Variants in BCL7A observed in about 807,000 individuals in gnomAD.
BCL7A encodes BAF chromatin remodeling complex subunit BCL7A.
A neutral mutation model predicts 28.4 loss-of-function variants in BCL7A; 11 were observed. The ratio of observed to expected loss-of-function variants is 0.39; its 90% CI spans 0.24 to 0.64. The LOEUF is 0.64. Ranked by LOEUF, BCL7A falls within the 30% of genes least tolerant of loss-of-function variation. The probability of loss-of-function intolerance (pLI) is 0.50; values close to 1 mark genes in which losing one functional copy is unlikely to be tolerated. For synonymous variants in BCL7A, 123 were observed against 103.3 expected (o/e 1.19, Z -1.15); for missense variants, 222 against 274.8 (o/e 0.81, Z 1.36).
chr12:122,036,112 A>T (rs1428190077), intron 3 of BCL7A, among the ~76,000 whole-genome samples: 1 of 152,124 alleles, frequency 6.6e-6, no homozygotes, highest in African/African-American at 2.4e-5. Flanking sequence ...AAGTGCTGGG[A>T]TTACAGGCAT....
chr12:122,031,229 G>T (rs7964912), intron 2 of BCL7A, among the ~76,000 whole-genome samples: 3 of 151,976 alleles, frequency 2.0e-5, no homozygotes, highest in African/African-American at 7.3e-5. Flanking sequence ...CAGTTTCACC[G>T]TGTTGGCCAG....
intron 5 of BCL7A, among the ~76,000 whole-genome samples, chr12:122,057,078 G>A (rs1951884082): frequency 6.6e-6 from 1 of 152,236 alleles, no homozygotes; most frequent in African/African-American, 2.4e-5. Flanking sequence ...CCCACTAAGT[G>A]CCGTGAGAGA....
intron 3 of BCL7A, among the ~76,000 whole-genome samples, chr12:122,037,354 A>C: frequency 6.6e-6 from 1 of 152,244 alleles, no homozygotes; most frequent in East Asian, 1.9e-4. Flanking sequence ...TAACTAAAAA[A>C]GGAACTGGAA....
At chr12:122,037,587 G>A (rs1226488253) in intron 3 of BCL7A, among the ~76,000 whole-genome samples, 1 of 152,196 alleles carries the variant, frequency 6.6e-6, no homozygotes, top group Non-Finnish European at 1.5e-5. Context: ...GGAGGCTGAG[G>A]CAGGCAAATC....
intron 5 of BCL7A, among the ~76,000 whole-genome samples, chr12:122,058,318 AACATGGTGAAACATGGAG>A (rs1435661248): frequency 2.0e-5 from 3 of 150,986 alleles, no homozygotes; most frequent in African/African-American, 7.3e-5. Context: ...CAGCCTGGCC[AACATGGTGAAACATGGAG>A]ACATGGTGAA....
chr12:122,026,123 C>A (rs186045182), intron 1 of BCL7A, among the ~76,000 whole-genome samples: 130 of 151,434 alleles, frequency 8.6e-4, no homozygotes, highest in African/African-American at 3.0e-3. Flanking sequence ...AAAAATTAGC[C>A]GGGAGTGGTG....
intron 1 of BCL7A, among the ~76,000 whole-genome samples, chr12:122,027,374 A>G (rs2135839492): frequency 6.6e-6 from 1 of 152,306 alleles, no homozygotes; most frequent in African/African-American, 2.4e-5. Flanking sequence ...GTTGTTTGCC[A>G]TCCTAAATAT....
In BCL7A at chr12:122,035,362, A is replaced by G. The variant is rs753436539; in HGVS notation, c.206A>G (p.Glu69Gly). The G allele has an allele frequency of 1.1e-5, 18 of 1,614,226 alleles. No homozygotes were observed. Among genetic ancestry groups the G allele is most frequent in the Non-Finnish European group, 1.5e-5 (18 of 1,180,022 alleles). ...KNKNKKKGKDEKCGSEVTTPE... is the reference protein window; with the variant it reads ...KNKNKKKGKDGKCGSEVTTPE... ...AAGAATAAGAAAAAAGGCAAGGACG[A>G]GAAGTGTGGCTCAGAGGTGACCACT... The change falls in exon 3 of 6, where the codon GAG becomes GGG. Residue 69 changes from glutamate (E) to glycine (G), a missense_variant. This residue lies in a region of BCL7A where 67 missense variants were observed against 129.1 expected (regional missense o/e 0.52). Coordinates refer to ENST00000261822, the MANE Select transcript of BCL7A (RefSeq NM_001024808.3).
chr12:122,024,022 G>A (rs1678970), intron 1 of BCL7A, among the ~76,000 whole-genome samples: 37,501 of 151,912 alleles, frequency 0.25, 5,479 homozygotes, highest in East Asian at 0.48. Context: ...CCCGCAGAGC[G>A]GCCAGCTGCT....
At chr12:122,022,333 C>A in intron 1 of BCL7A, 150 bp downstream of exon 1, 2 of 307,542 alleles carry the variant, frequency 6.5e-6, no homozygotes, top group Non-Finnish European at 9.3e-6. Flanking sequence ...GGCGGACGGG[C>A]GGGCGGCGCG....
At chr12:122,043,782 A>G (rs1368269462) in intron 3 of BCL7A, 104 bp from the exon 4 acceptor site, 7 of 1,219,766 alleles carry the variant, frequency 5.7e-6, no homozygotes, top group Middle Eastern at 2.0e-4. Context: ...GAGAGCTGCC[A>G]TGGGGTTCCG....
intron 5 of BCL7A, among the ~76,000 whole-genome samples, chr12:122,057,714 G>T (rs1951888352): frequency 6.6e-6 from 1 of 152,168 alleles, no homozygotes; most frequent in African/African-American, 2.4e-5. Context: ...CTTTTCTGGT[G>T]TCCTGGGTTT....
chr12:122,043,461 C>T (rs922046128), intron 3 of BCL7A, among the ~76,000 whole-genome samples: 1 of 151,628 alleles, frequency 6.6e-6, no homozygotes, highest in South Asian at 2.1e-4. Context: ...CAGGAGGAGG[C>T]GTATCCAGTA....
intron 1 of BCL7A, among the ~76,000 whole-genome samples, chr12:122,027,439 C>T (rs1277017628): frequency 1.3e-5 from 2 of 152,144 alleles, no homozygotes; most frequent in Non-Finnish European, 2.9e-5. Flanking sequence ...TTTTGGGAGG[C>T]CAAGGCAGGA....
intron 1 of BCL7A, among the ~76,000 whole-genome samples, chr12:122,024,338 G>A (rs928262702): frequency 6.6e-6 from 1 of 152,312 alleles, no homozygotes; most frequent in East Asian, 1.9e-4. Flanking sequence ...GTCCCCTCGG[G>A]TTATTGAGGA....
chr12:122,025,014 G>A (rs1883584863), intron 1 of BCL7A, among the ~76,000 whole-genome samples: 1 of 150,708 alleles, frequency 6.6e-6, no homozygotes, highest in African/African-American at 2.4e-5. Context: ...GGGGCAGGCT[G>A]CCTCCTGTTC....
At chr12:122,054,953 C>T in intron 5 of BCL7A, 27 bp downstream of exon 5, 1 of 1,614,126 alleles carries the variant, frequency 6.2e-7, no homozygotes, top group Non-Finnish European at 8.5e-7. Flanking sequence ...CTCAGAGGGG[C>T]AGCCAGATCG....
At chr12:122,042,110 G>T (rs905678796) in intron 3 of BCL7A, among the ~76,000 whole-genome samples, 1 of 152,102 alleles carries the variant, frequency 6.6e-6, no homozygotes, top group South Asian at 2.1e-4. Flanking sequence ...AGAAGGGGGT[G>T]CAGGACAAGG....
intron 3 of BCL7A, among the ~76,000 whole-genome samples, chr12:122,037,196 G>C (rs1450260353): frequency 6.6e-6 from 1 of 152,212 alleles, no homozygotes. Flanking sequence ...GGCCCACCTG[G>C]CTCACCCACT....
Sources: allele counts gnomAD v4.1 joint callset (sites outside exome capture counted in the v4.1 genomes callset), GRCh38; gene constraint gnomAD v4.1.1; regional missense constraint gnomAD v4.1.1; transcripts MANE v1.5; gene names NCBI Gene and HGNC (gene_info 2026-07-23, HGNC 2026-07-21).